ARHGAP6: variants seen among roughly 807,000 people sequenced by gnomAD.
ARHGAP6 encodes rho GTPase-activating protein 6.
Under a neutral mutation model 55.7 loss-of-function variants are expected in ARHGAP6, and 16 were observed. The observed-to-expected ratio is 0.29, with a 90% CI of 0.19 to 0.44. ARHGAP6 has a LOEUF of 0.44. Among genes scored for constraint, ARHGAP6 ranks in the 20% least tolerant of loss-of-function variants. The probability of loss-of-function intolerance (pLI) is 1.00; values close to 1 mark genes in which losing one functional copy is unlikely to be tolerated. For synonymous variants in ARHGAP6, 382 were observed against 360.9 expected, an observed-to-expected ratio of 1.06 and a Z score of -0.66; for missense variants, 698 against 808.9, an observed-to-expected ratio of 0.86 and a Z score of 1.66.
intron 1 of ARHGAP6, among the ~76,000 whole-genome samples, chrX:11,396,389 C>T (rs147016947): frequency 7.8e-4 from 87 of 111,320 alleles, no homozygotes; most frequent in African/African-American, 2.8e-3. Context: ...TTCTTACACC[C>T]AGAAGCATCA....
At chrX:11,521,227 C>G (rs1369171713) in intron 1 of ARHGAP6, among the ~76,000 whole-genome samples, 11 of 111,918 alleles carry the variant, frequency 9.8e-5, no homozygotes, top group Non-Finnish European at 3.8e-5. Context: ...ACATGAAGTC[C>G]TTGCCCATGC....
rs762288157 is a variant in ARHGAP6, at chrX:11,139,362, C to A, written c.2426G>T (p.Gly809Val). ...GCGCGACACCGCAGGGTGGGCCCTG[C>A]CCTCCGTCGCGGGGGCTGCGGCCTG... is the stretch of plus-strand genomic sequence containing the variant. Reference protein sequence around the residue: ...RTQAAAPATEGRAHPAVSRAC... With the variant: ...RTQAAAPATEVRAHPAVSRAC... The change falls in exon 13 of 13, where the codon GGC (glycine) becomes GTC (valine). Residue 809 changes from glycine to valine, a missense_variant. Gly to Val is a moderately radical substitution (Grantham distance 109). This residue lies in a region of ARHGAP6 where 212 missense variants were observed against 208.7 expected (regional missense o/e 1.02). Transcript: ENST00000337414. 8.5e-7 allele frequency: 1 copy of A among 1,178,951 alleles called. No individual in the cohort carries two copies. Among genetic ancestry groups the A allele is most frequent in the South Asian group, 1.9e-5 (1 of 53,748 alleles).
At chrX:11,299,844 G>A (rs1370040746) in intron 1 of ARHGAP6, among the ~76,000 whole-genome samples, 2 of 111,982 alleles carry the variant, frequency 1.8e-5, no homozygotes, top group African/African-American at 6.5e-5. Context: ...CCTCAAAGAC[G>A]AGGCAGTATT....
intron 1 of ARHGAP6, among the ~76,000 whole-genome samples, chrX:11,484,926 C>T (rs1447664141): frequency 9.0e-6 from 1 of 111,427 alleles, no homozygotes; most frequent in Non-Finnish European, 1.9e-5. Context: ...AGTGGGTGAG[C>T]AGGGATTCAG....
At chrX:11,658,713 T>A (rs919357960) in intron 1 of ARHGAP6, among the ~76,000 whole-genome samples, 1 of 104,200 alleles carries the variant, frequency 9.6e-6, no homozygotes, top group Non-Finnish European at 2.0e-5. Flanking sequence ...ATATACTAGA[T>A]AAGAAGAGGA....
chrX:11,635,939 G>A (rs2052413702), intron 1 of ARHGAP6, among the ~76,000 whole-genome samples: 1 of 111,710 alleles, frequency 9.0e-6, no homozygotes, highest in Non-Finnish European at 1.9e-5. Context: ...AGCAACAATT[G>A]TTTCCTTGAA....
intron 1 of ARHGAP6, among the ~76,000 whole-genome samples, chrX:11,521,136 T>A (rs1224767610): frequency 8.9e-6 from 1 of 112,264 alleles, no homozygotes; most frequent in Non-Finnish European, 1.9e-5. Context: ...GTATTTTCTT[T>A]TGCTGGGCAG....
At position 11,664,524 on chromosome X, in the gene ARHGAP6, G is replaced by T; in HGVS notation, c.305C>A (p.Ser102Tyr). Residue 102 changes from serine to tyrosine, a missense_variant, in exon 1 of 13, where the codon TCC (serine) becomes TAC (tyrosine). Ser to Tyr is a moderately radical substitution (Grantham distance 144). Transcript: ENST00000337414. ...CTGCGGGGTGCTGGGTGTGGAGAAG[G>T]ACGAGCAAAGAGGTCCAGGAGGCGG... is the stretch of plus-strand genomic sequence containing the variant. ...RLPPPGPLCS[S>Y]FSTPSTPQEK... 5 of 1,202,997 alleles carry T rather than the reference G, an allele frequency of 4.2e-6. No individual in the cohort carries two copies. Among genetic ancestry groups the T allele is most frequent in the Non-Finnish European group, 5.6e-6 (5 of 890,769 alleles).
intron 1 of ARHGAP6, among the ~76,000 whole-genome samples, chrX:11,476,213 G>A (rs1046991331): frequency 1.1e-4 from 12 of 110,814 alleles, no homozygotes; most frequent in African/African-American, 3.9e-4. Flanking sequence ...CAGGATGCAA[G>A]GTTAATATCC....
At chrX:11,277,714 A>ATTTTTT (rs1569283190) in intron 1 of ARHGAP6, among the ~76,000 whole-genome samples, 55 of 106,006 alleles carry the variant, frequency 5.2e-4, no homozygotes, top group South Asian at 8.2e-4. Context: ...TTTTTTTAAA[A>ATTTTTT]AAAAATTAGC....
At chrX:11,630,909 T>C (rs1468573722) in intron 1 of ARHGAP6, among the ~76,000 whole-genome samples, 1 of 111,444 alleles carries the variant, frequency 9.0e-6, no homozygotes, top group Non-Finnish European at 1.9e-5. Context: ...ATCGCTAAAA[T>C]TGAAAAATAA....
intron 1 of ARHGAP6, among the ~76,000 whole-genome samples, chrX:11,409,075 C>T (rs1279297890): frequency 2.7e-5 from 3 of 111,576 alleles, no homozygotes; most frequent in Non-Finnish European, 5.6e-5. Flanking sequence ...TGTTCTGCTA[C>T]TGTTCCCCTT....
chrX:11,183,899 T>A (rs773168533), intron 5 of ARHGAP6, among the ~76,000 whole-genome samples: 2 of 112,350 alleles, frequency 1.8e-5, no homozygotes, highest in Non-Finnish European at 3.8e-5. Flanking sequence ...TGCCAGTCAT[T>A]GATCATTGCC....
At chrX:11,439,624 C>G (rs931900568) in intron 1 of ARHGAP6, among the ~76,000 whole-genome samples, 7 of 112,589 alleles carry the variant, frequency 6.2e-5, no homozygotes, top group Non-Finnish European at 7.5e-5. Flanking sequence ...ATATATTCAT[C>G]TCTATTAACA....
chrX:11,528,405 T>C, intron 1 of ARHGAP6, among the ~76,000 whole-genome samples: 1 of 112,112 alleles, frequency 8.9e-6, no homozygotes, highest in Non-Finnish European at 1.9e-5. Context: ...ATGTTATATA[T>C]TCCCCTTTTA....
At chrX:11,436,111 A>G (rs766860238) in intron 1 of ARHGAP6, among the ~76,000 whole-genome samples, 10 of 112,384 alleles carry the variant, frequency 8.9e-5, no homozygotes, top group Non-Finnish European at 1.9e-4. Flanking sequence ...CAAAGGGAAA[A>G]CCCATGCAGA....
At chrX:11,465,887 CT>C (rs2050287157) in intron 1 of ARHGAP6, among the ~76,000 whole-genome samples, 1 of 111,335 alleles carries the variant, frequency 9.0e-6, no homozygotes. Context: ...ACAAACTCAA[CT>C]ATATTTTCCT....
intron 1 of ARHGAP6, among the ~76,000 whole-genome samples, chrX:11,433,325 A>G: frequency 8.9e-6 from 1 of 112,461 alleles, no homozygotes; most frequent in Non-Finnish European, 1.9e-5. Flanking sequence ...AATGACCATT[A>G]CAGTAGGTTC....
At position 11,321,575 on chromosome X, in the gene ARHGAP6, C is replaced by T. The variant is rs139942372; in HGVS notation, c.589-66868G>A. On this transcript the variant is annotated intron_variant, in intron 1 of 12. Transcript: ENST00000337414. Reference sequence around the variant, plus strand: ...GAACTTCAACAGCCACACACATATACGCACACATTTTCAAATTCAATGTTA... The same window carrying T: ...GAACTTCAACAGCCACACACATATATGCACACATTTTCAAATTCAATGTTA... 5.6e-4 allele frequency among the ~76,000 whole-genome samples: 63 copies of T among 111,852 alleles called. No individual in the cohort carries two copies. The East Asian group carries it at 0.014, about 24-fold the overall frequency.
Sources: allele counts gnomAD v4.1 joint callset (sites outside exome capture counted in the v4.1 genomes callset), GRCh38; gene constraint gnomAD v4.1.1; regional missense constraint gnomAD v4.1.1; transcripts MANE v1.5; gene names NCBI Gene and HGNC (gene_info 2026-07-23, HGNC 2026-07-21).